Variants in RNF121 observed in about 807,000 individuals in gnomAD.
RNF121 encodes the protein ring finger protein 121.
In RNF121, 21 loss-of-function variants were observed where a neutral mutation model predicts 46.5. The observed-to-expected ratio is 0.45, with a 90% CI of 0.32 to 0.65. The LOEUF (loss-of-function observed/expected upper bound fraction) is 0.65, where lower values mean the gene tolerates loss of function less well. Among genes scored for constraint, RNF121 ranks in the 30% least tolerant of loss-of-function variants. RNF121 has a pLI of 0.04. For synonymous variants in RNF121, 139 were observed against 144.7 expected, an observed-to-expected ratio of 0.96 and a Z score of 0.28; for missense variants, 346 against 416.0, an observed-to-expected ratio of 0.83 and a Z score of 1.46.
intron 3 of RNF121, among the ~76,000 whole-genome samples, chr11:71,970,136 C>T: frequency 6.6e-6 from 1 of 152,026 alleles, no homozygotes; most frequent in East Asian, 1.9e-4. Flanking sequence ...CACAAAGAGA[C>T]CAATATGATT....
At position 71,978,650 on chromosome 11, in the gene RNF121, C is replaced by T. The variant is rs56304359; in HGVS notation, c.244-4111C>T. On this transcript the variant is annotated intron_variant, in intron 3 of 8. Coordinates refer to ENST00000361756, the MANE Select transcript of RNF121 (RefSeq NM_018320.5). ...CACACTTGTTTTATACATATTACTT[C>T]CATTTAAATATAAGAACTATTATAT... is the stretch of plus-strand genomic sequence containing the variant. Among the ~76,000 whole-genome samples, 628 of 152,242 alleles carry T rather than the reference C, an allele frequency of 4.1e-3. 8 individuals are homozygous for T. Among genetic ancestry groups the T allele is most frequent in the African/African-American group, 0.015 (606 of 41,556 alleles).
intron 3 of RNF121, among the ~76,000 whole-genome samples, chr11:71,967,812 A>G (rs1284340486): frequency 6.6e-6 from 1 of 152,000 alleles, no homozygotes; most frequent in Non-Finnish European, 1.5e-5. Flanking sequence ...CATTGTTTAC[A>G]TTATTAAGTA....
At chr11:71,975,095 G>C (rs1954501927) in intron 3 of RNF121, among the ~76,000 whole-genome samples, 1 of 152,136 alleles carries the variant, frequency 6.6e-6, no homozygotes, top group Admixed American at 6.5e-5. Context: ...CTCCTGAACT[G>C]CTTTCCCTCC....
intron 1 of RNF121, among the ~76,000 whole-genome samples, chr11:71,936,408 T>TAAG (rs10671705): frequency 0.96 from 146,119 of 151,690 alleles, 70,547 homozygotes; most frequent in African/African-American, 0.99. Context: ...TTTTATTTTT[T>TAAG]AGACAGAGTC....
At chr11:71,942,110 T>C (rs1353772719) in intron 1 of RNF121, among the ~76,000 whole-genome samples, 1 of 151,796 alleles carries the variant, frequency 6.6e-6, no homozygotes, top group East Asian at 1.9e-4. Context: ...TTTTTTGTAT[T>C]TTTTATTAGA....
At chr11:71,975,286 A>G (rs1954505275) in intron 3 of RNF121, among the ~76,000 whole-genome samples, 1 of 152,190 alleles carries the variant, frequency 6.6e-6, no homozygotes, top group Admixed American at 6.5e-5. Context: ...TATAACAAAA[A>G]CTTGTAGCTG....
rs113699392 is a variant in RNF121, at chr11:71,996,812, G to A, written c.*497G>A. On this transcript the variant is annotated 3_prime_UTR_variant, in exon 9 of 9. Transcript: ENST00000361756. ...GCCACGGGTGAGCACTGAGGCCCCA[G>A]GTGTCCTCCCTCCCCCACTGTCTGG... is the stretch of plus-strand genomic sequence containing the variant. The A allele has an allele frequency of 0.016, 2,572 of 157,768 alleles. 36 individuals are homozygous for A. The highest frequency in any genetic ancestry group is 0.036 in the Middle Eastern group (11 of 304). The allele number at this position is 157,768 out of a possible 1,614,324, so 9.8% of individuals were successfully genotyped here. A position where few individuals can be genotyped will look rare whatever the true frequency, so the allele number is the denominator to read the frequency against.
chr11:71,961,450 A>G (rs1047394864), intron 3 of RNF121, among the ~76,000 whole-genome samples: 4 of 152,120 alleles, frequency 2.6e-5, no homozygotes, highest in Admixed American at 6.6e-5. Context: ...AGTCTCAGCT[A>G]CTGGGGAGGC....
intron 1 of RNF121, 117 bp from the exon 2 acceptor site, chr11:71,957,110 A>G (rs1954005639): frequency 3.9e-5 from 31 of 787,812 alleles, no homozygotes; most frequent in Non-Finnish European, 5.6e-5. Context: ...TCATAGAGAT[A>G]CTAAGACTTG....
intron 7 of RNF121, chr11:71,995,113 G>A: frequency 1.8e-6 from 1 of 567,764 alleles, no homozygotes; most frequent in Non-Finnish European, 3.1e-6. Flanking sequence ...GATCTGACCA[G>A]TCACAGGGGA....
intron 1 of RNF121, among the ~76,000 whole-genome samples, chr11:71,949,630 C>T (rs1425952467): frequency 6.6e-6 from 1 of 151,874 alleles, no homozygotes; most frequent in Non-Finnish European, 1.5e-5. Context: ...GCAGAAGAAT[C>T]GCTTGAACCC....
chr11:71,958,243 T>A (rs1954038996), intron 2 of RNF121, among the ~76,000 whole-genome samples: 1 of 152,200 alleles, frequency 6.6e-6, no homozygotes, highest in African/African-American at 2.4e-5. Flanking sequence ...TTAATAGTCT[T>A]CATATCATGT....
intron 2 of RNF121, among the ~76,000 whole-genome samples, chr11:71,958,468 TTG>T (rs1347472818): frequency 6.6e-6 from 1 of 152,206 alleles, no homozygotes; most frequent in Non-Finnish European, 1.5e-5. Context: ...GATTTTTTTT[TTG>T]TCTCATTGTC....
intron 4 of RNF121, chr11:71,983,232 T>C (rs1287782674): frequency 5.1e-6 from 1 of 197,270 alleles, no homozygotes; most frequent in Non-Finnish European, 1.0e-5. Context: ...CTCTGATCTC[T>C]AAATTAGATT....
intron 1 of RNF121, among the ~76,000 whole-genome samples, chr11:71,937,581 G>A (rs977166180): frequency 4.0e-4 from 61 of 152,166 alleles, no homozygotes; most frequent in African/African-American, 1.4e-3. Flanking sequence ...TAATGATAGC[G>A]AACTAATCGT....
chr11:71,995,601 C>T, intron 8 of RNF121, 50 bp downstream of exon 8: 1 of 1,445,458 alleles, frequency 6.9e-7, no homozygotes, highest in Non-Finnish European at 9.5e-7. Flanking sequence ...GAAGAAAGTA[C>T]TGGCCAGTGT....
At chr11:71,941,688 G>A (rs552359075) in intron 1 of RNF121, among the ~76,000 whole-genome samples, 1 of 152,208 alleles carries the variant, frequency 6.6e-6, no homozygotes, top group Non-Finnish European at 1.5e-5. Context: ...GTCCTGAATG[G>A]TGAAGACCTA....
At chr11:71,971,925 G>C (rs778843083) in intron 3 of RNF121, among the ~76,000 whole-genome samples, 1 of 152,112 alleles carries the variant, frequency 6.6e-6, no homozygotes, top group Non-Finnish European at 1.5e-5. Context: ...TATGTAAGAG[G>C]GTGTTCACTG....
At chr11:71,936,113 C>T (rs1953402762) in intron 1 of RNF121, among the ~76,000 whole-genome samples, 1 of 152,010 alleles carries the variant, frequency 6.6e-6, no homozygotes, top group Non-Finnish European at 1.5e-5. Context: ...TCCCAGAGTG[C>T]TGGGATTATA....
Sources: gnomAD v4.1 joint callset for allele counts (sites outside exome capture counted in the v4.1 genomes callset) on GRCh38, gnomAD v4.1.1 for gene constraint, MANE v1.5 for transcripts, NCBI Gene and HGNC (gene_info 2026-07-23, HGNC 2026-07-21) for gene names.